Variants in BUB1 observed in about 807,000 individuals in gnomAD.
BUB1 encodes mitotic checkpoint serine/threonine-protein kinase BUB1.
In BUB1, 84 loss-of-function variants were observed where a neutral mutation model predicts 135.2. The observed-to-expected ratio is 0.62, with a 90% CI of 0.52 to 0.74. The LOEUF is 0.74. Among genes scored for constraint, BUB1 ranks in the 30% least tolerant of loss-of-function variants. BUB1 has a pLI of 0.00. For synonymous variants in BUB1, 403 were observed against 434.4 expected (o/e 0.93, Z 0.90); for missense variants, 1,162 against 1,288.3 (o/e 0.90, Z 1.50).
chr2:110,658,806 A>G, intron 11 of BUB1, 64 bp from the exon 12 acceptor site: 1 of 1,576,658 alleles, frequency 6.3e-7, no homozygotes, highest in South Asian at 1.1e-5. Context: ...TAAAAGACAC[A>G]CAATTTAAGT....
chr2:110,642,014 G>A, intron 20 of BUB1, 105 bp downstream of exon 20: 1 of 995,668 alleles, frequency 1.0e-6, no homozygotes. Flanking sequence ...GCCAACTGTA[G>A]ATATAAATAA....
At chr2:110,672,195 C>T (rs900429045) in intron 4 of BUB1, among the ~76,000 whole-genome samples, 1 of 152,064 alleles carries the variant, frequency 6.6e-6, no homozygotes, top group African/African-American at 2.4e-5. Flanking sequence ...CCATCGCACT[C>T]CAGCCTGGGC....
chr2:110,641,750 T>G lies in BUB1; in HGVS notation c.2517A>C (p.Glu839Asp). The change falls in exon 21 of 25, where the codon GAA becomes GAC. Residue 839 changes from glutamate to aspartate, a missense_variant. By Grantham distance (45) the Glu-to-Asp change is conservative (BLOSUM62 2). Transcript: ENST00000302759. Reference sequence around the variant, plus strand: ...TGTGCTGCATAGATGGCTTTAGTCTTTCCATCAACTGGGTCCCAATGTAGA... The same window carrying G: ...TGTGCTGCATAGATGGCTTTAGTCTGTCCATCAACTGGGTCCCAATGTAGA... The part of the protein sequence containing the change: ...WEFYIGTQLM[E>D]RLKPSMQHMF... The G allele has an allele frequency of 6.2e-7, 1 of 1,610,762 alleles. No homozygotes were observed. The highest frequency in any genetic ancestry group is 2.2e-5 in the East Asian group (1 of 44,886).
chr2:110,638,204 A>G, intron 24 of BUB1, 45 bp from the exon 25 acceptor site: 1 of 1,473,324 alleles, frequency 6.8e-7, no homozygotes, highest in Non-Finnish European at 9.1e-7. Context: ...GTAGCCTTCA[A>G]TATGCAGGAT....
intron 1 of BUB1, chr2:110,674,863 G>A (rs1374343466): frequency 1.7e-5 from 3 of 180,720 alleles, no homozygotes; most frequent in East Asian, 3.6e-4. Flanking sequence ...ATCTAGGCAT[G>A]GCACTGACTG....
rs1278993591 is a variant in BUB1 at position 110,653,010 on chromosome 2, CTT to C, written c.1964+424_1964+425del. On this transcript the variant is annotated intron_variant, in intron 17 of 24. Coordinates refer to ENST00000302759, the MANE Select transcript of BUB1 (RefSeq NM_004336.5). ...GTAGACATCATTCAATTTCACCACT[CTT>C]TTCACTAAGGAACTTCTGCTTCAGG... Among the ~76,000 whole-genome samples, 8 of 152,344 alleles carry C rather than the reference CTT, an allele frequency of 5.3e-5. No homozygotes were observed. The East Asian group carries it at 1.5e-3, about 29-fold the overall frequency.
At position 110,657,062 on chromosome 2, in the gene BUB1, C is replaced by CA. The variant is rs1011888887; in HGVS notation, c.1671dup (p.Val558CysfsTer16). 2 of 1,613,240 alleles carry CA rather than the reference C, an allele frequency of 1.2e-6. No homozygotes were observed. Among genetic ancestry groups the CA allele is most frequent in the Non-Finnish European group, 1.7e-6 (2 of 1,179,526 alleles). On this transcript the variant is annotated frameshift_variant, in exon 15 of 25. Coordinates refer to ENST00000302759, the MANE Select transcript of BUB1 (RefSeq NM_004336.5). LOFTEE classifies it high-confidence loss of function. ...TTTGGTTTTGAAGGAAGTCTGCTGA[C>CA]AGAGCGTTCTCCAAAGGTCCTGGCT...
chr2:110,638,931 T>C (rs1689428104), intron 24 of BUB1, among the ~76,000 whole-genome samples: 1 of 152,156 alleles, frequency 6.6e-6, no homozygotes, highest in South Asian at 2.1e-4. Context: ...TTTTTCTTTT[T>C]TTTTTGTGGG....
chr2:110,659,481 G>GT (rs1258701931), intron 11 of BUB1, among the ~76,000 whole-genome samples: 1 of 152,130 alleles, frequency 6.6e-6, no homozygotes, highest in African/African-American at 2.4e-5. Flanking sequence ...TCTTGGTTCA[G>GT]TTAATGAACC....
At chr2:110,673,085 A>C (rs1429610976) in intron 3 of BUB1, among the ~76,000 whole-genome samples, 1 of 152,182 alleles carries the variant, frequency 6.6e-6, no homozygotes, top group East Asian at 1.9e-4. Flanking sequence ...CCAATGATTT[A>C]ATCAATCATG....
chr2:110,672,987 G>C, intron 3 of BUB1, 130 bp from the exon 4 acceptor site: 1 of 908,252 alleles, frequency 1.1e-6, no homozygotes, highest in Non-Finnish European at 1.6e-6. Flanking sequence ...GCAAAACCAA[G>C]GCAGGTTTAG....
In BUB1 at chr2:110,653,457, G is replaced by A; in HGVS notation, c.1943C>T (p.Pro648Leu). 4 of 1,613,884 alleles carry A rather than the reference G, an allele frequency of 2.5e-6. No homozygotes were observed. The highest frequency in any genetic ancestry group is 3.4e-6 in the Non-Finnish European group (4 of 1,179,874). ...LDSCEENMVV[P>L]SRDGKFSPIQ... ...ATACCTGAATTTTCCATCCCTTGAA[G>A]GCACCACCATGTTTTCCTCACAAGA... The change falls in exon 17 of 25, where the codon CCT (proline) becomes CTT (leucine). Residue 648 changes from proline to leucine, a missense_variant. Transcript: ENST00000302759.
At chr2:110,642,087 A>G (rs750176266) in intron 20 of BUB1, 32 bp downstream of exon 20, 21 of 1,489,284 alleles carry the variant, frequency 1.4e-5, no homozygotes, top group South Asian at 4.9e-5. Flanking sequence ...ATTCATTTCT[A>G]TATCATACAA....
intron 9 of BUB1, 85 bp from the exon 10 acceptor site, chr2:110,661,926 T>C: frequency 1.3e-6 from 2 of 1,493,382 alleles, no homozygotes; most frequent in Non-Finnish European, 1.8e-6. Flanking sequence ...TCTCAAAGCA[T>C]GGCATCTGTC....
At chr2:110,671,207 G>C (rs1690411783) in intron 4 of BUB1, among the ~76,000 whole-genome samples, 1 of 152,182 alleles carries the variant, frequency 6.6e-6, no homozygotes, top group Non-Finnish European at 1.5e-5. Flanking sequence ...GATGAGGAAA[G>C]ACTGAAAATT....
In BUB1 at chr2:110,670,529, A is replaced by C; in HGVS notation, c.462T>G (p.Ala154=). The change falls in exon 5 of 25, where the codon GCT becomes GCG. Residue 154 remains alanine (A), a synonymous_variant. Transcript: ENST00000302759. ...TTTTAGAAAGCCTGATTTTACCTTG[A>C]GCTGGCAAATGGGTTTCAGTGAGGC... is the stretch of plus-strand genomic sequence containing the variant. The part of the protein sequence containing the change: ...QTRLTETHLP[A]QARTSEPLHN... 6.2e-7 allele frequency: 1 copy of C among 1,614,044 alleles called. No individual in the cohort carries two copies. The highest frequency in any genetic ancestry group is 8.5e-7 in the Non-Finnish European group (1 of 1,179,910).
At chr2:110,646,174 A>G (rs1343792409) in intron 19 of BUB1, among the ~76,000 whole-genome samples, 1 of 151,020 alleles carries the variant, frequency 6.6e-6, no homozygotes, top group African/African-American at 2.4e-5. Context: ...ACCCAAAAAA[A>G]AAAAAAAAAA....
At chr2:110,659,881 A>G (rs1690033685) in intron 11 of BUB1, 97 bp downstream of exon 11, 4 of 894,536 alleles carry the variant, frequency 4.5e-6, no homozygotes, top group Non-Finnish European at 6.9e-6. Flanking sequence ...CAGGTTCATT[A>G]AGGCCTGAAG....
Position 110,641,821 on chromosome 2 carries a change from G to A in BUB1, c.2464-18C>T. On this transcript the variant is annotated intron_variant, in intron 20 of 24. Coordinates refer to ENST00000302759, the MANE Select transcript of BUB1 (RefSeq NM_004336.5). Reference sequence around the variant, plus strand: ...TTTTGGACCTGCAAATCAGGTATGTGAAATTCATATCCAATCTCGTATTCT... The same window carrying A: ...TTTTGGACCTGCAAATCAGGTATGTAAAATTCATATCCAATCTCGTATTCT... 1 of 1,597,354 alleles carries A rather than the reference G, an allele frequency of 6.3e-7. No homozygotes were observed.
Sources: gnomAD v4.1 joint callset for allele counts (sites outside exome capture counted in the v4.1 genomes callset) on GRCh38, gnomAD v4.1.1 for gene constraint, MANE v1.5 for transcripts, NCBI Gene and HGNC (gene_info 2026-07-23, HGNC 2026-07-21) for gene names.